Variants in TP63 observed in about 807,000 individuals in gnomAD.
TP63 encodes tumor protein p63.
Under a neutral mutation model 82.8 loss-of-function variants are expected in TP63, and 17 were observed. The observed-to-expected ratio is 0.21, with a 90% CI of 0.14 to 0.31. TP63 has a LOEUF of 0.31. TP63 is among the 10% of genes least tolerant of loss of function. The probability of loss-of-function intolerance (pLI) is 1.00; values close to 1 mark genes in which losing one functional copy is unlikely to be tolerated. For missense variants in TP63, 648 were observed against 895.3 expected, an observed-to-expected ratio of 0.72 and a Z score of 3.52; for synonymous variants, 330 against 321.7, an observed-to-expected ratio of 1.03 and a Z score of -0.28.
chr3:189,760,248 A>G (rs1457573021), intron 3 of TP63, among the ~76,000 whole-genome samples: 1 of 152,130 alleles, frequency 6.6e-6, no homozygotes, highest in East Asian at 1.9e-4. Context: ...TTCTGCATTA[A>G]CTCAGAAGTC....
chr3:189,761,228 G>C (rs961284834), intron 3 of TP63, among the ~76,000 whole-genome samples: 4 of 152,148 alleles, frequency 2.6e-5, no homozygotes. Flanking sequence ...TCAGAAAATT[G>C]GATTTTGTTT....
intron 3 of TP63, among the ~76,000 whole-genome samples, chr3:189,795,264 A>C (rs893908838): frequency 3.3e-5 from 5 of 152,082 alleles, no homozygotes; most frequent in African/African-American, 1.2e-4. Flanking sequence ...CTTCCTTCCA[A>C]CCCAACAGTT....
intron 3 of TP63, among the ~76,000 whole-genome samples, chr3:189,797,487 A>G (rs1021730163): frequency 6.6e-6 from 1 of 152,052 alleles, no homozygotes; most frequent in Non-Finnish European, 1.5e-5. Context: ...GATCACAGAG[A>G]CAATGGGGAA....
chr3:189,624,481 T>A, the TP63 span, among the ~76,000 whole-genome samples: 2 of 152,172 alleles, frequency 1.3e-5, no homozygotes, highest in Non-Finnish European at 2.9e-5. Context: ...TCATAGACTC[T>A]TGGGGTTGAA....
intron 1 of TP63, among the ~76,000 whole-genome samples, chr3:189,670,140 T>A (rs1714765835): frequency 1.3e-5 from 2 of 152,092 alleles, no homozygotes; most frequent in African/African-American, 4.8e-5. Context: ...CAAGCCTGAA[T>A]GTGTATGTGC....
chr3:189,647,658 G>A lies in TP63; in HGVS notation c.62+16081G>A, dbSNP rs1268056749. 2.7e-5 allele frequency among the ~76,000 whole-genome samples: 4 copies of A among 146,486 alleles called. 1 individual carries two copies. The highest frequency in any genetic ancestry group is 5.1e-5 in the African/African-American group (2 of 38,964). On this transcript the variant is annotated intron_variant, in intron 1 of 13. Coordinates refer to ENST00000264731, the MANE Select transcript of TP63 (RefSeq NM_003722.5). ...TCAGTTACGTCATGCTATAAGATAC[G>A]CAAGCTGTCTGGTCATTGTGTATGC... is the stretch of plus-strand genomic sequence containing the variant.
intron 1 of TP63, among the ~76,000 whole-genome samples, chr3:189,639,491 C>A (rs1197847831): frequency 2.0e-5 from 3 of 152,120 alleles, no homozygotes; most frequent in African/African-American, 7.2e-5. Flanking sequence ...ATTTGAAGTT[C>A]AGAATGAATT....
chr3:189,867,923 G>A lies in TP63; in HGVS notation c.973G>A (p.Val325Ile). The A allele has an allele frequency of 6.2e-7, 1 of 1,613,938 alleles. No homozygotes were observed. The highest frequency in any genetic ancestry group is 1.1e-5 in the South Asian group (1 of 91,066). ...GMNRRPILII[V>I]TLETRDGQVL... The stretch of plus-strand genomic sequence containing the variant: ...GAACCGCCGTCCAATTTTAATCATT[G>A]TTACTCTGGAAACCAGAGAGTAAGT... Residue 325 changes from valine to isoleucine, a missense_variant, in exon 7 of 14, where the codon GTT (valine) becomes ATT (isoleucine). Val to Ile is a conservative substitution (Grantham distance 29). This residue lies in a region of TP63 where 30 missense variants were observed against 85.4 expected (regional missense o/e 0.35). Transcript: ENST00000264731.
At chr3:189,785,510 C>G (rs1312915095) in intron 3 of TP63, among the ~76,000 whole-genome samples, 1 of 151,996 alleles carries the variant, frequency 6.6e-6, no homozygotes, top group African/African-American at 2.4e-5. Flanking sequence ...GGTTTAACTT[C>G]AACTAGGGTT....
chr3:189,758,593 C>T (rs1261246546), intron 3 of TP63, among the ~76,000 whole-genome samples: 1 of 152,204 alleles, frequency 6.6e-6, no homozygotes, highest in Admixed American at 6.5e-5. Context: ...ACTTTACTTC[C>T]TTTCATTCTT....
chr3:189,754,920 C>T (rs1033543003), intron 3 of TP63, among the ~76,000 whole-genome samples: 3 of 152,066 alleles, frequency 2.0e-5, no homozygotes, highest in Non-Finnish European at 4.4e-5. Context: ...CCCAGAAAAC[C>T]GCTAAAATTC....
chr3:189,827,727 A>G (rs1456142124), intron 4 of TP63, among the ~76,000 whole-genome samples: 4 of 152,190 alleles, frequency 2.6e-5, no homozygotes, highest in Non-Finnish European at 4.4e-5. Context: ...GTAGCAGGAA[A>G]TGAGGCTAGA....
chr3:189,670,299 C>G (rs60116225), intron 1 of TP63, among the ~76,000 whole-genome samples: 229 of 152,118 alleles, frequency 1.5e-3, no homozygotes, highest in Middle Eastern at 0.01. Flanking sequence ...AAGATCCAAA[C>G]AACATTACCA....
intron 3 of TP63, among the ~76,000 whole-genome samples, chr3:189,781,600 A>AT (rs35373630): frequency 0.36 from 54,218 of 149,396 alleles, 9,859 homozygotes; most frequent in Admixed American, 0.43. Flanking sequence ...TTGCCTAGGG[A>AT]TTTTTTTTTT....
chr3:189,721,757 T>A (rs1243871240), intron 1 of TP63, among the ~76,000 whole-genome samples: 2 of 152,200 alleles, frequency 1.3e-5, no homozygotes, highest in Non-Finnish European at 2.9e-5. Flanking sequence ...TTGAGACTCC[T>A]TAAGTCTAGA....
intron 1 of TP63, among the ~76,000 whole-genome samples, chr3:189,648,341 T>A (rs1017599932): frequency 2.7e-5 from 4 of 147,084 alleles, no homozygotes; most frequent in African/African-American, 1.0e-4. Flanking sequence ...TTATGCTTAT[T>A]GTTTCTTATC....
Position 189,895,532 on chromosome 3 carries a change from A to G in TP63, c.*1030A>G, listed in dbSNP as rs989764626. 3 of 220,102 alleles carry G rather than the reference A, an allele frequency of 1.4e-5. No homozygotes were observed. In the Admixed American group the frequency reaches 1.7e-4, roughly 13 times the overall value. 13.6% of individuals were successfully genotyped at this position (220,102 alleles called of 1,614,324 possible). A position where few individuals can be genotyped will look rare whatever the true frequency, so the allele number is the denominator to read the frequency against. On this transcript the variant is annotated 3_prime_UTR_variant, in exon 14 of 14. Transcript: ENST00000264731. ...GATTTGATTGGGATGAATGCCATCT[A>G]TCTAGTTCTAACAGTGAAGTTTTAC...
chr3:189,896,200 C>T lies in TP63; in HGVS notation c.*1698C>T. 1 of 220,764 alleles carries T rather than the reference C, an allele frequency of 4.5e-6. No individual in the cohort carries two copies. The highest frequency in any genetic ancestry group is 9.1e-6 in the Non-Finnish European group (1 of 109,954). The allele number at this position is 220,764 out of a possible 1,614,324, so 13.7% of individuals were successfully genotyped here. Reference sequence around the variant, plus strand: ...TTTTAATTTTAAAGTGCAAAAGGGCCAGCGTGGCTCTAAAAGGTAATGTGT... The same window carrying T: ...TTTTAATTTTAAAGTGCAAAAGGGCTAGCGTGGCTCTAAAAGGTAATGTGT... On this transcript the variant is annotated 3_prime_UTR_variant, in exon 14 of 14. Transcript: ENST00000264731.
intron 10 of TP63, chr3:189,881,193 A>T (rs942700064): frequency 3.0e-6 from 3 of 985,402 alleles, no homozygotes; most frequent in Non-Finnish European, 3.6e-6. Context: ...CGTTTTGAGT[A>T]AGTGAGATCC....
Sources: allele counts gnomAD v4.1 joint callset (sites outside exome capture counted in the v4.1 genomes callset), GRCh38; gene constraint gnomAD v4.1.1; regional missense constraint gnomAD v4.1.1; transcripts MANE v1.5; gene names NCBI Gene and HGNC (gene_info 2026-07-23, HGNC 2026-07-21).